MAPK10: variants seen among roughly 807,000 people sequenced by gnomAD.
MAPK10 encodes JNK3 alpha protein kinase.
Under a neutral mutation model 59.3 loss-of-function variants are expected in MAPK10, and 25 were observed. The ratio of observed to expected loss-of-function variants is 0.42; its 90% CI spans 0.31 to 0.59. The LOEUF (loss-of-function observed/expected upper bound fraction) is 0.59. Among genes scored for constraint, MAPK10 ranks in the 20% least tolerant of loss-of-function variants. The probability of loss-of-function intolerance (pLI) is 0.15; values close to 1 mark genes in which losing one functional copy is unlikely to be tolerated. For synonymous variants in MAPK10, 190 were observed against 200.5 expected, an observed-to-expected ratio of 0.95 and a Z score of 0.44; for missense variants, 351 against 568.9, an observed-to-expected ratio of 0.62 and a Z score of 3.90.
chr4:86,053,262 T>C (rs905334431), intron 11 of MAPK10, among the ~76,000 whole-genome samples: 2 of 152,292 alleles, frequency 1.3e-5, no homozygotes, highest in East Asian at 1.9e-4. Flanking sequence ...TCATTTTCTT[T>C]ATTGATAAAT....
At chr4:86,393,960 A>G (rs1742572859) in intron 1 of MAPK10, among the ~76,000 whole-genome samples, 1 of 152,204 alleles carries the variant, frequency 6.6e-6, no homozygotes, top group South Asian at 2.1e-4. Context: ...GTGAAGAAAG[A>G]GAACATCAGA....
In MAPK10 at chr4:86,159,415, C is replaced by T; in HGVS notation, c.119G>A (p.Ser40Asn). Reference protein sequence around the residue: ...VSYIAKHYNMSKSKVDNQFYS... With the variant: ...VSYIAKHYNMNKSKVDNQFYS... Reference sequence around the variant, plus strand: ...GAACTGGTTGTCAACTTTGCTTTTGCTCATGTTGTAATGTTTGGCAATATA... The same window carrying T: ...GAACTGGTTGTCAACTTTGCTTTTGTTCATGTTGTAATGTTTGGCAATATA... Residue 40 changes from serine (S) to asparagine (N), a missense_variant, in exon 4 of 14, where the codon AGC (serine) becomes AAC (asparagine). Ser to Asn is a conservative substitution (Grantham distance 46, BLOSUM62 1). This residue lies in a region of MAPK10 where 61 missense variants were observed against 58.4 expected (regional missense o/e 1.05). Transcript: ENST00000641462. The T allele has an allele frequency of 6.2e-7, 1 of 1,612,518 alleles. No individual in the cohort carries two copies. Among genetic ancestry groups the T allele is most frequent in the Non-Finnish European group, 8.5e-7 (1 of 1,178,998 alleles).
intron 1 of MAPK10, among the ~76,000 whole-genome samples, chr4:86,435,068 C>T (rs964873068): frequency 4.6e-5 from 7 of 151,952 alleles, no homozygotes; most frequent in Non-Finnish European, 8.8e-5. Flanking sequence ...CATTCATATG[C>T]GGGATCTTAA....
intron 11 of MAPK10, among the ~76,000 whole-genome samples, chr4:86,052,092 G>GT (rs985230785): frequency 2.6e-4 from 39 of 151,798 alleles, no homozygotes; most frequent in African/African-American, 8.9e-4. Flanking sequence ...AATGTTAATA[G>GT]TTTTTTTAAA....
chr4:86,152,665 G>T (rs1023752566), intron 4 of MAPK10: 7 of 152,114 alleles, frequency 4.6e-5, no homozygotes, highest in African/African-American at 1.7e-4. Context: ...CAGGCCAGAA[G>T]CATGACTTAG....
At chr4:86,152,691 A>G (rs2066770559) in intron 4 of MAPK10, 1 of 152,186 alleles carries the variant, frequency 6.6e-6, no homozygotes. Context: ...AGAAGGGCCA[A>G]CTACCTTCCC....
At chr4:86,379,032 G>A (rs1316940339) in intron 1 of MAPK10, among the ~76,000 whole-genome samples, 2 of 152,166 alleles carry the variant, frequency 1.3e-5, no homozygotes, top group East Asian at 1.9e-4. Context: ...AGGAAATGTA[G>A]GTAAGTATGG....
chr4:86,202,485 G>A (rs920810813), intron 2 of MAPK10, among the ~76,000 whole-genome samples: 14 of 151,866 alleles, frequency 9.2e-5, no homozygotes, highest in Admixed American at 3.3e-4. Flanking sequence ...TTGAGAAAAT[G>A]TTTACTGAAT....
At chr4:86,391,025 T>C (rs1742112879) in intron 1 of MAPK10, among the ~76,000 whole-genome samples, 1 of 152,220 alleles carries the variant, frequency 6.6e-6, no homozygotes, top group East Asian at 1.9e-4. Context: ...TTAAAAATGT[T>C]AGAATATTGT....
chr4:86,411,631 T>C (rs1745183712), intron 1 of MAPK10, among the ~76,000 whole-genome samples: 1 of 152,226 alleles, frequency 6.6e-6, no homozygotes, highest in Admixed American at 6.5e-5. Context: ...TCTTGTTGAA[T>C]TTATTCCTTT....
At chr4:86,412,303 C>T (rs941317166) in intron 1 of MAPK10, among the ~76,000 whole-genome samples, 3 of 152,140 alleles carry the variant, frequency 2.0e-5, no homozygotes, top group African/African-American at 7.2e-5. Context: ...TTGTGGGTAA[C>T]CCTACTTTTC....
intron 2 of MAPK10, among the ~76,000 whole-genome samples, chr4:86,303,581 C>T (rs1330508320): frequency 6.6e-6 from 1 of 152,100 alleles, no homozygotes; most frequent in African/African-American, 2.4e-5. Flanking sequence ...GAAGAAAAAG[C>T]TAATTTTGCT....
At chr4:86,590,209 AG>A (rs1313523162) in intron 1 of MAPK10, among the ~76,000 whole-genome samples, 2 of 152,112 alleles carry the variant, frequency 1.3e-5, no homozygotes, top group Non-Finnish European at 2.9e-5. Flanking sequence ...AAGGATATTT[AG>A]GTGTGTGTGT....
intron 4 of MAPK10, among the ~76,000 whole-genome samples, chr4:86,116,861 C>A (rs1447244197): frequency 6.6e-6 from 1 of 152,198 alleles, no homozygotes; most frequent in Non-Finnish European, 1.5e-5. Flanking sequence ...AGAGTGAGCA[C>A]TGAGTAAATG....
rs1743304414 is a variant in MAPK10, at chr4:86,016,362, A to C, written c.*866T>G. The C allele has an allele frequency of 6.6e-6, 1 of 152,576 alleles. No individual in the cohort carries two copies. Among genetic ancestry groups the C allele is most frequent in the African/African-American group, 2.4e-5 (1 of 41,422 alleles). 9.5% of individuals were successfully genotyped at this position (152,576 alleles called of 1,614,324 possible). A position where few individuals can be genotyped will look rare whatever the true frequency, so the allele number is the denominator to read the frequency against. On this transcript the variant is annotated 3_prime_UTR_variant, in exon 14 of 14. Coordinates refer to ENST00000641462, the MANE Select transcript of MAPK10 (RefSeq NM_138982.4). The stretch of plus-strand genomic sequence containing the variant: ...CTCCTACTCTTTACTGTCACAGAAA[A>C]GACTCTCAGCTTTTATTCACACCTG...
chr4:86,517,867 T>C (rs935533639), intron 1 of MAPK10, among the ~76,000 whole-genome samples: 2 of 152,196 alleles, frequency 1.3e-5, no homozygotes, highest in Non-Finnish European at 2.9e-5. Flanking sequence ...CAGTTCTTCT[T>C]TGAATGTCTG....
intron 1 of MAPK10, among the ~76,000 whole-genome samples, chr4:86,568,781 T>C (rs905600428): frequency 2.0e-5 from 3 of 152,104 alleles, no homozygotes; most frequent in Admixed American, 1.3e-4. Context: ...TCTCACCATA[T>C]ATAAAAATTA....
intron 4 of MAPK10, among the ~76,000 whole-genome samples, chr4:86,126,279 A>G (rs557401178): frequency 1.3e-5 from 2 of 152,094 alleles, no homozygotes; most frequent in African/African-American, 4.8e-5. Context: ...TTTACTTCCC[A>G]TACTCAATCA....
At chr4:86,345,387 G>A (rs558069852) in intron 2 of MAPK10, among the ~76,000 whole-genome samples, 2 of 152,270 alleles carry the variant, frequency 1.3e-5, no homozygotes, top group East Asian at 3.9e-4. Context: ...TACAGTTGAA[G>A]CTCAGCTTTG....
Sources: allele counts gnomAD v4.1 joint callset (sites outside exome capture counted in the v4.1 genomes callset), GRCh38; gene constraint gnomAD v4.1.1; regional missense constraint gnomAD v4.1.1; transcripts MANE v1.5; gene names NCBI Gene and HGNC (gene_info 2026-07-23, HGNC 2026-07-21).